Variants in SVOP observed in about 807,000 individuals in gnomAD.
The protein encoded by SVOP is synaptic vesicle 2-related protein.
In SVOP, 17 loss-of-function variants were observed where a neutral mutation model predicts 69.1. The ratio of observed to expected loss-of-function variants is 0.25; its 90% confidence interval spans 0.17 to 0.37. The LOEUF is 0.37. Ranked by LOEUF, SVOP falls within the 10% of genes least tolerant of loss-of-function variation. SVOP has a pLI of 1.00. For synonymous variants in SVOP, 238 were observed against 238.6 expected, an observed-to-expected ratio of 1.00 and a Z score of 0.02; for missense variants, 435 against 597.5, an observed-to-expected ratio of 0.73 and a Z score of 2.84.
At chr12:109,012,282 GA>G (rs576670371) in intron 1 of SVOP, among the ~76,000 whole-genome samples, 186 of 138,182 alleles carry the variant, frequency 1.3e-3, no homozygotes, top group Middle Eastern at 7.5e-3. Context: ...GACTGTCTCA[GA>G]AAAAAAAAAA....
At chr12:108,971,644 C>T (rs2040079820) in intron 5 of SVOP, among the ~76,000 whole-genome samples, 1 of 152,032 alleles carries the variant, frequency 6.6e-6, no homozygotes, top group African/African-American at 2.4e-5. Context: ...TTTATTTGAG[C>T]AGTGATTCCA....
At position 108,909,479 on chromosome 12, in the gene SVOP, A is replaced by G. The variant is rs977348714; in HGVS notation, c.*3056T>C. The G allele has an allele frequency of 6.6e-6, 1 of 151,186 alleles. No homozygotes were observed. Among genetic ancestry groups the G allele is most frequent in the Non-Finnish European group, 1.5e-5 (1 of 67,754 alleles). The allele number at this position is 151,186 out of a possible 1,614,324, so 9.4% of individuals were successfully genotyped here. On this transcript the variant is annotated 3_prime_UTR_variant, in exon 16 of 16. Coordinates refer to ENST00000610966, the MANE Select transcript of SVOP (RefSeq NM_018711.5). ...GCAGTGAGCTGAGACTTCATCTCAA[A>G]AAAAAAAAAAAAGTAATTGCAGTTT...
chr12:108,996,613 CA>C (rs2040234081), intron 1 of SVOP, among the ~76,000 whole-genome samples: 1 of 151,862 alleles, frequency 6.6e-6, no homozygotes, highest in South Asian at 2.1e-4. Flanking sequence ...GAGGCCCCAG[CA>C]ATCCCTTAGG....
intron 1 of SVOP, among the ~76,000 whole-genome samples, chr12:108,986,519 T>C (rs2040166696): frequency 1.3e-5 from 2 of 152,184 alleles, no homozygotes; most frequent in Admixed American, 6.5e-5. Flanking sequence ...GACTATTAGG[T>C]TGACCCATGT....
intron 6 of SVOP, among the ~76,000 whole-genome samples, chr12:108,951,258 C>G (rs2039952223): frequency 6.6e-6 from 1 of 152,154 alleles, no homozygotes; most frequent in Admixed American, 6.5e-5. Context: ...CGTGGGTTAC[C>G]TTACTCCAGG....
intron 6 of SVOP, among the ~76,000 whole-genome samples, chr12:108,950,998 A>T (rs934032922): frequency 6.6e-6 from 1 of 152,222 alleles, no homozygotes; most frequent in Non-Finnish European, 1.5e-5. Flanking sequence ...ATAAATTCCC[A>T]CTGCAAATAA....
At chr12:108,942,765 G>A (rs748801112) in intron 7 of SVOP, among the ~76,000 whole-genome samples, 4 of 152,190 alleles carry the variant, frequency 2.6e-5, no homozygotes, top group African/African-American at 4.8e-5. Flanking sequence ...TTATTTATTT[G>A]TTTGTTGTTG....
chr12:108,970,198 C>T (rs991034130), intron 5 of SVOP, among the ~76,000 whole-genome samples: 3 of 152,164 alleles, frequency 2.0e-5, no homozygotes, highest in Non-Finnish European at 4.4e-5. Context: ...TTCATTGAGC[C>T]ATCACCTGCT....
intron 1 of SVOP, among the ~76,000 whole-genome samples, chr12:109,019,138 T>G (rs957815714): frequency 6.6e-6 from 1 of 152,228 alleles, no homozygotes; most frequent in Admixed American, 6.5e-5. Flanking sequence ...CTCTGGGGAA[T>G]AGAACTGGGG....
intron 5 of SVOP, among the ~76,000 whole-genome samples, chr12:108,971,645 A>G (rs1330032787): frequency 1.3e-5 from 2 of 152,176 alleles, no homozygotes; most frequent in Non-Finnish European, 2.9e-5. Flanking sequence ...TTATTTGAGC[A>G]GTGATTCCAG....
At chr12:109,020,767 C>T in intron 1 of SVOP, 67 bp downstream of exon 1, 1 of 434,696 alleles carries the variant, frequency 2.3e-6, no homozygotes, top group Admixed American at 2.7e-5. Context: ...CCCCCCCACC[C>T]CCCTTGCAGG....
At chr12:108,958,190 G>A (rs756510513) in intron 6 of SVOP, among the ~76,000 whole-genome samples, 32 of 152,052 alleles carry the variant, frequency 2.1e-4, no homozygotes, top group Non-Finnish European at 3.2e-4. Flanking sequence ...CTTTAATAGC[G>A]AGGGGGTCTA....
intron 1 of SVOP, among the ~76,000 whole-genome samples, chr12:109,005,902 T>C (rs1314599042): frequency 6.6e-6 from 1 of 152,144 alleles, no homozygotes; most frequent in Non-Finnish European, 1.5e-5. Context: ...GTGAGGATTT[T>C]CTGTGTTGTC....
intron 1 of SVOP, among the ~76,000 whole-genome samples, chr12:109,010,393 G>A (rs898670497): frequency 2.0e-5 from 3 of 152,200 alleles, no homozygotes; most frequent in African/African-American, 7.2e-5. Context: ...AGCTGGGGCT[G>A]TAAAGCCACT....
intron 9 of SVOP, among the ~76,000 whole-genome samples, 164 bp downstream of exon 9, chr12:108,938,663 T>A (rs1299078335): frequency 2.0e-5 from 3 of 152,278 alleles, no homozygotes; most frequent in Middle Eastern, 6.8e-3. Flanking sequence ...CCCTTGCAGG[T>A]CCTGTCTACT....
intron 1 of SVOP, among the ~76,000 whole-genome samples, chr12:108,986,911 A>G (rs983518540): frequency 6.6e-6 from 1 of 152,182 alleles, no homozygotes; most frequent in Non-Finnish European, 1.5e-5. Flanking sequence ...TCTTCTATAC[A>G]TTGGTGTGAT....
intron 1 of SVOP, among the ~76,000 whole-genome samples, chr12:109,019,460 G>A (rs2040384690): frequency 6.6e-6 from 1 of 151,996 alleles, no homozygotes; most frequent in African/African-American, 2.4e-5. Context: ...CCAATATGTA[G>A]TCTAATTCTG....
In SVOP at chr12:108,934,197, C is replaced by T; in HGVS notation, c.1046G>A (p.Gly349Asp). 1 of 1,600,302 alleles carries T rather than the reference C, an allele frequency of 6.2e-7. No homozygotes were observed. Among genetic ancestry groups the T allele is most frequent in the Admixed American group, 1.7e-5 (1 of 57,904 alleles). Reference protein sequence around the residue: ...TELFQAGDVCGISSRKKAVEA... With the variant: ...TELFQAGDVCDISSRKKAVEA... ...GCAAAGACAACCAAGATACTCACTG[C>T]CGCAGACATCTCCTGCCTGGAAGAG... The change falls in exon 11 of 16, where the codon GGC becomes GAC. Residue 349 changes from glycine (G) to aspartate (D), a missense_variant and splice_region_variant. Transcript: ENST00000610966.
rs1250463132 is a variant in SVOP, at chr12:109,020,899, A to G, written c.-31T>C. ...CGCTGCGCCAGGATGAGCCCTTCTC[A>G]TGGCCCTTACATGGTAGTGGTGGAT... On this transcript the variant is annotated 5_prime_UTR_variant, in exon 1 of 16. The change abolishes an upstream ATG in the 5' untranslated region. Transcript: ENST00000610966. 3 of 717,466 alleles carry G rather than the reference A, an allele frequency of 4.2e-6. No homozygotes were observed. Among genetic ancestry groups the G allele is most frequent in the South Asian group, 1.5e-5 (1 of 67,522 alleles). The allele number at this position is 717,466 out of a possible 1,614,324, so 44.4% of individuals were successfully genotyped here. A position where few individuals can be genotyped will look rare whatever the true frequency, so the allele number is the denominator to read the frequency against.
Sources: allele counts gnomAD v4.1 joint callset (sites outside exome capture counted in the v4.1 genomes callset), GRCh38; gene constraint gnomAD v4.1.1; transcripts MANE v1.5; gene names NCBI Gene and HGNC (gene_info 2026-07-23, HGNC 2026-07-21).